The following LPAR1 variants were observed in gnomAD, a reference collection of about 807,000 sequenced individuals.
LPAR1 encodes lysophosphatidic acid receptor 1, also known as LPA receptor 1.
LPAR1 carries 5 observed loss-of-function variants against 23.8 expected under a neutral mutation model. That is an observed-to-expected ratio of 0.21 (90% CI 0.11 to 0.44). The LOEUF (loss-of-function observed/expected upper bound fraction) is 0.44. Among genes scored for constraint, LPAR1 ranks in the 20% least tolerant of loss-of-function variants. The probability of loss-of-function intolerance (pLI) is 0.99; values close to 1 mark genes in which losing one functional copy is unlikely to be tolerated. For missense variants in LPAR1, 311 were observed against 482.8 expected (o/e 0.64, Z 3.33); for synonymous variants, 160 against 164.7 (o/e 0.97, Z 0.22).
intron 2 of LPAR1, among the ~76,000 whole-genome samples, chr9:110,995,834 C>T (rs781037989): frequency 1.9e-4 from 29 of 152,200 alleles, no homozygotes; most frequent in Non-Finnish European, 3.8e-4. Context: ...GGGGTCCCCT[C>T]TCTAACTTAT....
intron 5 of LPAR1, among the ~76,000 whole-genome samples, chr9:110,910,479 T>C (rs773122152): frequency 6.6e-6 from 1 of 152,206 alleles, no homozygotes; most frequent in Non-Finnish European, 1.5e-5. Context: ...GGGATATTAA[T>C]GTTGTGTTCA....
At chr9:111,016,022 T>G (rs1488691323) in intron 2 of LPAR1, among the ~76,000 whole-genome samples, 1 of 152,104 alleles carries the variant, frequency 6.6e-6, no homozygotes, top group Non-Finnish European at 1.5e-5. Flanking sequence ...AGAAATCCCC[T>G]AACATATAAT....
At chr9:110,917,448 G>T (rs1025391217) in intron 5 of LPAR1, among the ~76,000 whole-genome samples, 1 of 152,118 alleles carries the variant, frequency 6.6e-6, no homozygotes, top group Non-Finnish European at 1.5e-5. Context: ...GATTCTTGAG[G>T]GAGCCAACCA....
intron 5 of LPAR1, among the ~76,000 whole-genome samples, chr9:110,906,120 A>G (rs933552717): frequency 6.6e-6 from 1 of 152,208 alleles, no homozygotes; most frequent in African/African-American, 2.4e-5. Context: ...ATGGCACAAA[A>G]ATACGTCAAG....
chr9:111,023,900 T>C (rs2097621823), intron 2 of LPAR1, among the ~76,000 whole-genome samples: 3 of 152,124 alleles, frequency 2.0e-5, no homozygotes, highest in Admixed American at 2.0e-4. Flanking sequence ...TAACTATGGG[T>C]CATGACTAAA....
At chr9:111,029,662 C>T (rs2097761521) in intron 2 of LPAR1, among the ~76,000 whole-genome samples, 1 of 152,118 alleles carries the variant, frequency 6.6e-6, no homozygotes. Context: ...GTATTCATCA[C>T]TACCTACCTG....
At chr9:110,989,238 G>C (rs2096850536) in intron 2 of LPAR1, among the ~76,000 whole-genome samples, 1 of 152,174 alleles carries the variant, frequency 6.6e-6, no homozygotes, top group African/African-American at 2.4e-5. Context: ...TCTATCTGGA[G>C]ACAAGGACTG....
At position 110,874,678 on chromosome 9, in the gene LPAR1, AT is replaced by A. The variant is rs575668974; in HGVS notation, c.*742del. Reference sequence around the variant, plus strand: ...TTTTGGAATACATATCACTTTGGTAATAAACTTACATTCCCTGTTTTATACT... The same window carrying A: ...TTTTGGAATACATATCACTTTGGTAAAAACTTACATTCCCTGTTTTATACT... On this transcript the variant is annotated 3_prime_UTR_variant, in exon 6 of 6. Coordinates refer to ENST00000683809, the MANE Select transcript of LPAR1 (RefSeq NM_001351411.2). 1.6e-3 allele frequency: 245 copies of A among 152,736 alleles called. No homozygotes were observed. The highest frequency in any genetic ancestry group is 5.7e-3 in the African/African-American group (238 of 41,574). The allele number at this position is 152,736 out of a possible 1,614,324, so 9.5% of individuals were successfully genotyped here. A position where few individuals can be genotyped will look rare whatever the true frequency, so the allele number is the denominator to read the frequency against.
At chr9:110,931,286 A>G (rs1168781806) in intron 5 of LPAR1, among the ~76,000 whole-genome samples, 1 of 152,140 alleles carries the variant, frequency 6.6e-6, no homozygotes, top group Non-Finnish European at 1.5e-5. Context: ...CTGTTTTGTC[A>G]TATTATATTG....
At chr9:110,965,667 G>A (rs1233498775) in intron 4 of LPAR1, among the ~76,000 whole-genome samples, 3 of 152,212 alleles carry the variant, frequency 2.0e-5, no homozygotes, top group Non-Finnish European at 4.4e-5. Context: ...CCTTTACACT[G>A]TTGGTGGGAA....
intron 2 of LPAR1, among the ~76,000 whole-genome samples, chr9:110,991,193 C>G (rs994538178): frequency 2.0e-5 from 3 of 152,182 alleles, no homozygotes; most frequent in Admixed American, 2.0e-4. Context: ...AGATAAGATA[C>G]CTGTGAGCCA....
Position 111,023,007 on chromosome 9 carries a change from C to T in LPAR1, c.-182+13115G>A, listed in dbSNP as rs1311852506. On this transcript the variant is annotated intron_variant, in intron 2 of 5. Transcript: ENST00000683809. Reference sequence around the variant, plus strand: ...CAGAGCTTGCAGTGAGCCAAGATCGCGCCACTGCACTCCAGCCTGGGTGAC... The same window carrying T: ...CAGAGCTTGCAGTGAGCCAAGATCGTGCCACTGCACTCCAGCCTGGGTGAC... 8.2e-5 allele frequency among the ~76,000 whole-genome samples: 12 copies of T among 146,094 alleles called. No individual in the cohort carries two copies. In the South Asian group the frequency reaches 1.8e-3, roughly 21 times the overall value.
At position 110,898,576 on chromosome 9, in the gene LPAR1, T is replaced by G. The variant is rs553217310; in HGVS notation, c.794-22854A>C. ...AAAGTTGCAAGGCCCTCAAGGGTCATCGGGTTTACAGCACACGTTCACGAG... is the reference window on the plus strand; with the variant it reads ...AAAGTTGCAAGGCCCTCAAGGGTCAGCGGGTTTACAGCACACGTTCACGAG... On this transcript the variant is annotated intron_variant, in intron 5 of 5. Coordinates refer to ENST00000683809, the MANE Select transcript of LPAR1 (RefSeq NM_001351411.2). Among the ~76,000 whole-genome samples the G allele has an allele frequency of 3.9e-5, 6 of 152,276 alleles. No homozygotes were observed. The East Asian group carries it at 1.2e-3, about 29-fold the overall frequency.
intron 5 of LPAR1, among the ~76,000 whole-genome samples, chr9:110,913,518 T>C (rs886338569): frequency 6.7e-6 from 1 of 148,950 alleles, no homozygotes; most frequent in African/African-American, 2.6e-5. Context: ...TATATGTATA[T>C]GTACACACAC....
At chr9:111,012,690 G>A (rs2097356508) in intron 2 of LPAR1, among the ~76,000 whole-genome samples, 1 of 152,072 alleles carries the variant, frequency 6.6e-6, no homozygotes, top group African/African-American at 2.4e-5. Context: ...TGGGGCTGAT[G>A]GGGCAAAATA....
At chr9:110,926,702 T>TC (rs2094061476) in intron 5 of LPAR1, among the ~76,000 whole-genome samples, 1 of 151,842 alleles carries the variant, frequency 6.6e-6, no homozygotes, top group African/African-American at 2.4e-5. Flanking sequence ...TTGTGTTTTT[T>TC]TTCCCCTAAC....
rs1194116920 is a variant in LPAR1, at chr9:111,023,516, GT to G, written c.-182+12605del. Among the ~76,000 whole-genome samples the G allele has an allele frequency of 3.6e-3, 524 of 146,092 alleles. 1 individual carries two copies. Among genetic ancestry groups the G allele is most frequent in the African/African-American group, 0.01 (417 of 39,992 alleles). On this transcript the variant is annotated intron_variant, in intron 2 of 5. Coordinates refer to ENST00000683809, the MANE Select transcript of LPAR1 (RefSeq NM_001351411.2). ...ATGCAGAGTATTTATACATTTGGAT[GT>G]TTTTTTTTTTGGTTCATATGCTCCA...
chr9:111,014,090 TA>T (rs1172480978), intron 2 of LPAR1, among the ~76,000 whole-genome samples: 2 of 152,148 alleles, frequency 1.3e-5, no homozygotes, highest in Admixed American at 1.3e-4. Context: ...ATGCCCAGCC[TA>T]AATACCATAG....
chr9:111,024,129 C>G (rs2097631526), intron 2 of LPAR1, among the ~76,000 whole-genome samples: 2 of 152,036 alleles, frequency 1.3e-5, no homozygotes, highest in Admixed American at 6.6e-5. Flanking sequence ...CATACCACAC[C>G]TTTTGAACTT....
Sources: gnomAD v4.1 joint callset for allele counts (sites outside exome capture counted in the v4.1 genomes callset) on GRCh38, gnomAD v4.1.1 for gene constraint, MANE v1.5 for transcripts, NCBI Gene and HGNC (gene_info 2026-07-23, HGNC 2026-07-21) for gene names.